ZNF469: variants seen among roughly 807,000 people sequenced by gnomAD.
The protein encoded by ZNF469 is zinc finger protein 469.
Under a neutral mutation model 1.0 loss-of-function variants are expected in ZNF469, and 1 was observed. The ratio of observed to expected loss-of-function variants is 1.00; its 90% confidence interval spans 0.35 to 4.73. ZNF469 has a LOEUF of 4.73. ZNF469 is among the 30% of genes most tolerant of loss of function. The pLI is 0.16. For missense variants in ZNF469, 6,100 were observed against 5,356.3 expected, an observed-to-expected ratio of 1.14 and a Z score of -4.33; for synonymous variants, 2,703 against 2,363.4, an observed-to-expected ratio of 1.14 and a Z score of -4.17.
At chr16:88,296,524 A>G in the ZNF469 span, among the ~76,000 whole-genome samples, 3 of 150,998 alleles carry the variant, frequency 2.0e-5, no homozygotes, top group Non-Finnish European at 4.4e-5. Flanking sequence ...CTCCCCACAC[A>G]CACACAGGTG....
At chr16:88,174,900 A>C in the ZNF469 span, among the ~76,000 whole-genome samples, 1 of 151,906 alleles carries the variant, frequency 6.6e-6, no homozygotes, top group Non-Finnish European at 1.5e-5. Flanking sequence ...AATTGTGCAA[A>C]CATTGGCGCC....
the ZNF469 span, among the ~76,000 whole-genome samples, chr16:88,120,405 G>A: frequency 1.3e-5 from 2 of 152,264 alleles, no homozygotes; most frequent in African/African-American, 2.4e-5. Flanking sequence ...TGATGTCATC[G>A]GGCCGGCGGG....
rs751776082 is a variant in ZNF469, at chr16:88,432,870, T to C, written c.5400T>C (p.Ala1800=). The C allele has an allele frequency of 2.6e-6, 4 of 1,550,194 alleles. No homozygotes were observed. The highest frequency in any genetic ancestry group is 1.7e-6 in the Non-Finnish European group (2 of 1,146,978). ...APAPEAFGSP[A]VHLAPDLAFQ... ...CTCCAGAAGCTTTTGGCAGCCCTGC[T>C]GTCCATCTGGCCCCTGACTTGGCAT... The change falls in exon 3 of 3, where the codon GCT becomes GCC. Residue 1800 remains alanine, a synonymous_variant. Transcript: ENST00000565624.
chr16:88,147,187 T>C, the ZNF469 span, among the ~76,000 whole-genome samples: 9 of 151,990 alleles, frequency 5.9e-5, no homozygotes. Flanking sequence ...GCCACGCAGC[T>C]GGCTCTGATG....
chr16:88,355,399 C>T, the ZNF469 span, among the ~76,000 whole-genome samples: 4 of 152,356 alleles, frequency 2.6e-5, no homozygotes, highest in African/African-American at 7.2e-5. Flanking sequence ...CTCCCCGTCC[C>T]GCCACCATGG....
the ZNF469 span, among the ~76,000 whole-genome samples, chr16:88,310,557 C>A: frequency 6.9e-6 from 1 of 145,336 alleles, no homozygotes; most frequent in Non-Finnish European, 1.5e-5. Flanking sequence ...CCTTGTCCTT[C>A]ATTTTATTTT....
the ZNF469 span, among the ~76,000 whole-genome samples, chr16:88,209,918 T>C: frequency 6.6e-6 from 1 of 152,108 alleles, no homozygotes; most frequent in Non-Finnish European, 1.5e-5. Flanking sequence ...GTTGTAAGAG[T>C]ATCTTCAGAG....
the ZNF469 span, among the ~76,000 whole-genome samples, chr16:88,203,572 CA>C: frequency 6.6e-6 from 1 of 152,170 alleles, no homozygotes; most frequent in Non-Finnish European, 1.5e-5. Context: ...GCCTGGAGAC[CA>C]AAATCCAGGT....
chr16:88,427,489 C>A lies in ZNF469; in HGVS notation c.19C>A (p.Arg7=). The A allele has an allele frequency of 6.6e-7, 1 of 1,524,742 alleles. No individual in the cohort carries two copies. Among genetic ancestry groups the A allele is most frequent in the South Asian group, 1.2e-5 (1 of 82,752 alleles). 94.5% of individuals were successfully genotyped at this position (1,524,742 alleles called of 1,614,324 possible). Residue 7 remains arginine (R), a synonymous_variant, in exon 3 of 3, where the codon CGA becomes AGA. Transcript: ENST00000565624. ...AGGGGCCATGCCTGGGGAGCGCCCC[C>A]GAGGAGCGCCGCCCCCCACCATGAC... MPGERP[R]GAPPPTMTGD...
chr16:88,232,591 C>A, the ZNF469 span, among the ~76,000 whole-genome samples: 4 of 152,242 alleles, frequency 2.6e-5, no homozygotes, highest in Admixed American at 2.6e-4. Context: ...AGAAGAGGTG[C>A]CCTGGGTGCA....
At chr16:88,239,011 C>G in the ZNF469 span, among the ~76,000 whole-genome samples, 2 of 152,230 alleles carry the variant, frequency 1.3e-5, no homozygotes, top group Non-Finnish European at 2.9e-5. Flanking sequence ...TGCCCCCTTT[C>G]TGACCTTGTC....
the ZNF469 span, among the ~76,000 whole-genome samples, chr16:88,181,305 C>T: frequency 4.6e-5 from 7 of 151,586 alleles, no homozygotes; most frequent in East Asian, 9.8e-4. Flanking sequence ...CTCCTGACCT[C>T]GTGATCCACC....
chr16:88,237,571 CG>C, the ZNF469 span, among the ~76,000 whole-genome samples: 2 of 80,614 alleles, frequency 2.5e-5, no homozygotes, highest in Non-Finnish European at 5.1e-5. Flanking sequence ...CCCTGCCCTC[CG>C]TGCTCCTGCC....
chr16:88,284,610 CAAAAAA>C, the ZNF469 span, among the ~76,000 whole-genome samples: 2 of 109,532 alleles, frequency 1.8e-5, no homozygotes, highest in Non-Finnish European at 3.6e-5. Flanking sequence ...GATCCCATCT[CAAAAAA>C]AAAAAAAAAA....
chr16:88,320,281 G>A, the ZNF469 span, among the ~76,000 whole-genome samples: 7 of 152,216 alleles, frequency 4.6e-5, no homozygotes, highest in Admixed American at 2.0e-4. Flanking sequence ...CTGCCCTCAT[G>A]ATGGGAAGCC....
the ZNF469 span, among the ~76,000 whole-genome samples, chr16:88,170,355 G>C: frequency 1.6e-4 from 24 of 152,114 alleles, no homozygotes; most frequent in African/African-American, 5.8e-4. This position sits in a 1 kb window ranked among gnomAD's most constrained non-coding sequence, Gnocchi z 4.2. Flanking sequence ...TTCTGAACTA[G>C]AGTCACCAGG....
At chr16:88,382,950 C>T (rs1442240627), upstream of ZNF469, among the ~76,000 whole-genome samples, 1 of 151,408 alleles carries the variant, frequency 6.6e-6, no homozygotes, top group East Asian at 2.0e-4. Flanking sequence ...GCCCCAGCCT[C>T]CGGGGGGCAG....
chr16:88,264,850 C>T, the ZNF469 span, among the ~76,000 whole-genome samples: 1 of 152,292 alleles, frequency 6.6e-6, no homozygotes, highest in East Asian at 1.9e-4. Context: ...CGGTACTGCT[C>T]AGATGCTCAC....
the ZNF469 span, among the ~76,000 whole-genome samples, chr16:88,251,550 T>G: frequency 0.022 from 691 of 31,022 alleles, 55 homozygotes; most frequent in Non-Finnish European, 0.037. Context: ...TTTTTTTTTT[T>G]TTTTTTTTTT....
Sources: allele counts gnomAD v4.1 joint callset (sites outside exome capture counted in the v4.1 genomes callset), GRCh38; gene constraint gnomAD v4.1.1; non-coding constraint Gnocchi (gnomAD v3.1); transcripts MANE v1.5; gene names NCBI Gene and HGNC (gene_info 2026-07-23, HGNC 2026-07-21).